Variants in RTN3 observed in about 807,000 individuals in gnomAD.
RTN3 encodes reticulon 3, also known as reticulon-3.
Under a neutral mutation model 77.8 loss-of-function variants are expected in RTN3, and 49 were observed. The observed-to-expected ratio is 0.63, with a 90% CI of 0.50 to 0.80. The LOEUF is 0.80. Ranked by LOEUF, RTN3 falls within the 30% of genes least tolerant of loss-of-function variation. The pLI is 0.00. For synonymous variants in RTN3, 464 were observed against 446.9 expected (o/e 1.04, Z -0.48); for missense variants, 1,236 against 1,211.9 (o/e 1.02, Z -0.29).
chr11:63,683,512 A>G (rs1022240841), intron 1 of RTN3, among the ~76,000 whole-genome samples: 2 of 152,236 alleles, frequency 1.3e-5, no homozygotes, highest in Non-Finnish European at 1.5e-5. Context: ...TTGAAAATTT[A>G]GTCCTAGTTT....
intron 3 of RTN3, among the ~76,000 whole-genome samples, chr11:63,733,954 A>G (rs976287174): frequency 1.3e-5 from 2 of 152,092 alleles, no homozygotes; most frequent in African/African-American, 4.8e-5. Flanking sequence ...AGACACACAT[A>G]TATATATACA....
At chr11:63,691,888 A>T (rs1941677909) in intron 1 of RTN3, among the ~76,000 whole-genome samples, 1 of 152,134 alleles carries the variant, frequency 6.6e-6, no homozygotes, top group Admixed American at 6.6e-5. Flanking sequence ...GCCTGTGAAA[A>T]TGCAAGTTGG....
chr11:63,699,761 A>G (rs1189340181), intron 1 of RTN3, among the ~76,000 whole-genome samples: 1 of 152,190 alleles, frequency 6.6e-6, no homozygotes, highest in East Asian at 1.9e-4. Context: ...TTCTTAATTT[A>G]CCATAGTGGC....
intron 3 of RTN3, among the ~76,000 whole-genome samples, chr11:63,724,324 G>A (rs187209658): frequency 0.012 from 1,673 of 134,520 alleles, 32 homozygotes; most frequent in African/African-American, 0.042. Flanking sequence ...CTGGGATTAC[G>A]GGCGCCTGCT....
At chr11:63,709,458 T>TC (rs1565313122) in intron 2 of RTN3, among the ~76,000 whole-genome samples, 17 of 152,078 alleles carry the variant, frequency 1.1e-4, no homozygotes, top group African/African-American at 3.9e-4. Flanking sequence ...ATTGGAAGCA[T>TC]TGCATTAATG....
intron 3 of RTN3, among the ~76,000 whole-genome samples, chr11:63,746,233 T>C (rs1249143714): frequency 6.6e-6 from 1 of 152,224 alleles, no homozygotes; most frequent in African/African-American, 2.4e-5. Context: ...TTCCTCTTCC[T>C]GTCTTTCAAA....
intron 1 of RTN3, among the ~76,000 whole-genome samples, chr11:63,689,168 C>T (rs577104501): frequency 1.3e-5 from 2 of 152,256 alleles, no homozygotes; most frequent in East Asian, 3.9e-4. Flanking sequence ...CTTAATTTAG[C>T]TAATACTCTT....
At chr11:63,756,565 G>C (rs2014391830) in intron 8 of RTN3, among the ~76,000 whole-genome samples, 1 of 151,948 alleles carries the variant, frequency 6.6e-6, no homozygotes, top group African/African-American at 2.4e-5. Context: ...CCCAGCTACT[G>C]GAGAGGCTGA....
At chr11:63,735,550 TTCTCTCTCTCTCTCTC>T (rs71468640) in intron 3 of RTN3, among the ~76,000 whole-genome samples, 51 of 42,730 alleles carry the variant, frequency 1.2e-3, no homozygotes, top group South Asian at 2.9e-3. Flanking sequence ...ATTCTAACAT[TTCTCTCTCTCTCTCTC>T]TCTCTCTCTC....
At chr11:63,692,057 C>G (rs1294610760) in intron 1 of RTN3, among the ~76,000 whole-genome samples, 1 of 152,118 alleles carries the variant, frequency 6.6e-6, no homozygotes, top group Non-Finnish European at 1.5e-5. Flanking sequence ...TTGTCTCACT[C>G]TGTTGCCCAG....
intron 2 of RTN3, among the ~76,000 whole-genome samples, chr11:63,709,577 C>CT (rs150415176): frequency 1.8e-3 from 255 of 144,010 alleles, no homozygotes; most frequent in African/African-American, 2.8e-3. Flanking sequence ...CAGTTACAGC[C>CT]TTTTTTTAAA....
At position 63,681,521 on chromosome 11, in the gene RTN3, G is replaced by C. The variant is rs985837185; in HGVS notation, c.-116G>C. On this transcript the variant is annotated 5_prime_UTR_variant, in exon 1 of 9. Coordinates refer to ENST00000377819, the MANE Select transcript of RTN3 (RefSeq NM_001265589.2). ...AGTCAGTCTGTCGGAGTCTGTCCTCGGAGCAGGCGGAGTAAAGGGACTTGA... is the reference window on the plus strand; with the variant it reads ...AGTCAGTCTGTCGGAGTCTGTCCTCCGAGCAGGCGGAGTAAAGGGACTTGA... 8.1e-6 allele frequency: 9 copies of C among 1,109,412 alleles called. No individual in the cohort carries two copies. The highest frequency in any genetic ancestry group is 1.1e-5 in the Non-Finnish European group (9 of 803,082). The allele number at this position is 1,109,412 out of a possible 1,614,324, so 68.7% of individuals were successfully genotyped here. A position where few individuals can be genotyped will look rare whatever the true frequency, so the allele number is the denominator to read the frequency against.
At chr11:63,755,696 A>G (rs1319269219) in intron 7 of RTN3, among the ~76,000 whole-genome samples, 2 of 147,700 alleles carry the variant, frequency 1.4e-5, no homozygotes, top group African/African-American at 2.5e-5. Flanking sequence ...ACAGTGGCTC[A>G]TGCCTGTAAT....
Position 63,681,654 on chromosome 11 carries a change from G to A in RTN3, c.18G>A (p.Ala6=). 2.5e-6 allele frequency: 4 copies of A among 1,594,126 alleles called. No individual in the cohort carries two copies. Among genetic ancestry groups the A allele is most frequent in the Non-Finnish European group, 3.4e-6 (4 of 1,169,476 alleles). Residue 6 remains alanine (A), a synonymous_variant, in exon 1 of 9, where the codon GCG becomes GCA. Transcript: ENST00000377819. MAEPS[A]ATQSHSISSS... ...GCGTAGCCATGGCGGAGCCGTCGGC[G>A]GCCACTCAGTCCCATTCCATCTCCT...
At chr11:63,696,650 A>G (rs753005043) in intron 1 of RTN3, among the ~76,000 whole-genome samples, 31 of 148,596 alleles carry the variant, frequency 2.1e-4, no homozygotes, top group Non-Finnish European at 3.0e-4. Context: ...GGTTCAAGCA[A>G]TTCTCCTGCC....
chr11:63,711,626 G>A (rs945653742), intron 2 of RTN3, among the ~76,000 whole-genome samples: 17 of 151,850 alleles, frequency 1.1e-4, no homozygotes, highest in African/African-American at 2.9e-4. Flanking sequence ...ATGCAATGGC[G>A]CGATCTCAGC....
chr11:63,741,984 T>G (rs1238876966), intron 3 of RTN3, among the ~76,000 whole-genome samples: 4 of 141,322 alleles, frequency 2.8e-5, no homozygotes, highest in East Asian at 4.1e-4. Context: ...CTCTTCTAGG[T>G]TTTTTTTTTT....
At chr11:63,681,928 C>A in intron 1 of RTN3, 150 bp downstream of exon 1, 2 of 834,260 alleles carry the variant, frequency 2.4e-6, no homozygotes, top group Non-Finnish European at 3.5e-6. Flanking sequence ...GGAAAATGGG[C>A]AAAGGGGAAG....
intron 7 of RTN3, among the ~76,000 whole-genome samples, chr11:63,754,556 C>T (rs1458790374): frequency 6.6e-6 from 1 of 151,840 alleles, no homozygotes; most frequent in Non-Finnish European, 1.5e-5. Context: ...AAAAATTAGT[C>T]GGGTGTGGTG....
Sources: allele counts gnomAD v4.1 joint callset (sites outside exome capture counted in the v4.1 genomes callset), GRCh38; gene constraint gnomAD v4.1.1; transcripts MANE v1.5; gene names NCBI Gene and HGNC (gene_info 2026-07-23, HGNC 2026-07-21).